Variants in FAM13B observed in about 807,000 individuals in gnomAD.
The protein encoded by FAM13B is protein FAM13B.
FAM13B carries 60 observed loss-of-function variants against 117.3 expected under a neutral mutation model. That is an observed-to-expected ratio of 0.51 (90% CI 0.42 to 0.63). The LOEUF is 0.63. Among genes scored for constraint, FAM13B ranks in the 30% least tolerant of loss-of-function variants. FAM13B has a pLI of 0.00. For synonymous variants in FAM13B, 332 were observed against 356.1 expected, an observed-to-expected ratio of 0.93 and a Z score of 0.76; for missense variants, 972 against 1,091.9, an observed-to-expected ratio of 0.89 and a Z score of 1.55.
chr5:138,028,361 G>A (rs939007735), intron 1 of FAM13B, among the ~76,000 whole-genome samples: 18 of 152,114 alleles, frequency 1.2e-4, no homozygotes, highest in East Asian at 3.8e-4. Context: ...TTCATAGCTC[G>A]TTAATACGAA....
At chr5:138,014,313 C>A (rs2150931851) in intron 4 of FAM13B, among the ~76,000 whole-genome samples, 1 of 152,370 alleles carries the variant, frequency 6.6e-6, no homozygotes, top group African/African-American at 2.4e-5. Context: ...CCAGCCGGGG[C>A]TGCAGACCAG....
intron 7 of FAM13B, among the ~76,000 whole-genome samples, chr5:138,003,394 T>C (rs750446818): frequency 2.0e-5 from 3 of 152,228 alleles, no homozygotes; most frequent in Non-Finnish European, 4.4e-5. Flanking sequence ...TGAAAAGTAC[T>C]ATAATGAAGC....
chr5:137,946,340 T>TAAAAAAAAAAAAAAAAAAAAA, intron 18 of FAM13B, 29 bp from the exon 19 acceptor site: 1 of 1,219,544 alleles, frequency 8.2e-7, no homozygotes, highest in Non-Finnish European at 1.1e-6. Context: ...AATAACAAAA[T>TAAAAAAAAAAAAAAAAAAAAA]ACAAAAAAAA....
intron 9 of FAM13B, 113 bp downstream of exon 9, chr5:137,987,348 A>G: frequency 1.0e-6 from 1 of 988,550 alleles, no homozygotes; most frequent in Non-Finnish European, 1.5e-6. Context: ...CTTTTCACAA[A>G]CAACTTTCAG....
chr5:137,943,667 C>A (rs1331298144), intron 20 of FAM13B, among the ~76,000 whole-genome samples: 1 of 152,046 alleles, frequency 6.6e-6, no homozygotes, highest in East Asian at 1.9e-4. Context: ...ATTGCTTGAA[C>A]CCCAGGAGGT....
At chr5:137,996,553 G>GC (rs1779912086) in intron 7 of FAM13B, among the ~76,000 whole-genome samples, 1 of 152,016 alleles carries the variant, frequency 6.6e-6, no homozygotes. Context: ...CAAGAATGAA[G>GC]CCCTAACATC....
At chr5:137,952,792 TC>T in intron 16 of FAM13B, 83 bp from the exon 17 acceptor site, 1 of 816,478 alleles carries the variant, frequency 1.2e-6, no homozygotes, top group Non-Finnish European at 2.0e-6. Context: ...ATTTTACAAT[TC>T]CCACAGCAAA....
intron 1 of FAM13B, among the ~76,000 whole-genome samples, chr5:138,025,315 T>TG (rs1561544114): frequency 2.2e-5 from 2 of 92,570 alleles, no homozygotes; most frequent in African/African-American, 3.9e-5. Context: ...ATATATGTAT[T>TG]TTTTTTTTTT....
intron 1 of FAM13B, among the ~76,000 whole-genome samples, 179 bp from the exon 2 acceptor site, chr5:138,021,376 G>C (rs1289296642): frequency 6.6e-6 from 1 of 152,190 alleles, no homozygotes; most frequent in Non-Finnish European, 1.5e-5. Flanking sequence ...GATGATGATG[G>C]AAAATTGGAG....
upstream of FAM13B, chr5:138,036,118 T>G (rs1791132514): frequency 6.0e-6 from 2 of 331,844 alleles, no homozygotes; most frequent in African/African-American, 4.3e-5. Flanking sequence ...GGTTGTGCAC[T>G]CCGTACCCTA....
chr5:138,049,086 C>T (rs993274620), intron 1 of FAM13B, among the ~76,000 whole-genome samples: 5 of 151,954 alleles, frequency 3.3e-5, no homozygotes, highest in South Asian at 4.1e-4. Flanking sequence ...GAGTTACAGG[C>T]GTGCGCCACC....
At chr5:137,947,198 T>C (rs1036300728) in intron 18 of FAM13B, among the ~76,000 whole-genome samples, 1 of 152,212 alleles carries the variant, frequency 6.6e-6, no homozygotes, top group Non-Finnish European at 1.5e-5. Context: ...TCTCTCTACT[T>C]ATTCCCAGGA....
At chr5:137,954,505 T>TAC (rs111423475) in intron 14 of FAM13B, 129 bp from the exon 15 acceptor site, 245,660 of 414,346 alleles carry the variant, frequency 0.59, 56,624 homozygotes, top group East Asian at 0.67. Context: ...CATACACACA[T>TAC]ACACACACAC....
Position 137,948,958 on chromosome 5 carries a change from G to A in FAM13B, c.2157C>T (p.Ile719=). Residue 719 remains isoleucine (I), a synonymous_variant, in exon 18 of 24, where the codon ATC becomes ATT. Transcript: ENST00000689681. ...KRIERCLPED[I]KKMTKDHLVE... ...AAAAATCATAGCTCAAGATTACCTT[G>A]ATATCTTCTGGAAGACACCTCTCAA... 6.2e-7 allele frequency: 1 copy of A among 1,610,912 alleles called. No homozygotes were observed. The highest frequency in any genetic ancestry group is 8.5e-7 in the Non-Finnish European group (1 of 1,177,950).
At chr5:138,033,849 T>C (rs1454294921), upstream of FAM13B, 1 of 152,214 alleles carries the variant, frequency 6.6e-6, no homozygotes, top group East Asian at 1.9e-4. Flanking sequence ...TTGGACTCCT[T>C]GACAGCCGGT....
chr5:137,956,014 A>G (rs747511175), intron 14 of FAM13B, among the ~76,000 whole-genome samples: 5 of 152,196 alleles, frequency 3.3e-5, no homozygotes, highest in Non-Finnish European at 7.3e-5. Flanking sequence ...AGAGGGCTTG[A>G]CAGTGTCAAA....
At chr5:138,016,111 A>G (rs1785202696) in intron 4 of FAM13B, among the ~76,000 whole-genome samples, 1 of 152,252 alleles carries the variant, frequency 6.6e-6, no homozygotes, top group African/African-American at 2.4e-5. Flanking sequence ...AATTCCATGA[A>G]TATCAACACA....
At chr5:137,966,950 C>G (rs943106173) in intron 10 of FAM13B, among the ~76,000 whole-genome samples, 2 of 152,160 alleles carry the variant, frequency 1.3e-5, no homozygotes, top group Admixed American at 1.3e-4. Flanking sequence ...ACAGCTGAAT[C>G]TGCTCTTCAC....
At chr5:137,985,186 C>G in intron 10 of FAM13B, 71 bp downstream of exon 10, 2 of 1,471,712 alleles carry the variant, frequency 1.4e-6, no homozygotes, top group South Asian at 2.5e-5. Flanking sequence ...TGAACTATAA[C>G]TTCTGGCATC....
Sources: allele counts gnomAD v4.1 joint callset (sites outside exome capture counted in the v4.1 genomes callset), GRCh38; gene constraint gnomAD v4.1.1; transcripts MANE v1.5; gene names NCBI Gene and HGNC (gene_info 2026-07-23, HGNC 2026-07-21).